Variants in HERC4 observed in about 807,000 individuals in gnomAD.
HERC4 encodes probable E3 ubiquitin-protein ligase HERC4.
HERC4 carries 28 observed loss-of-function variants against 124.3 expected under a neutral mutation model. The observed-to-expected ratio is 0.23, with a 90% confidence interval of 0.17 to 0.31. The LOEUF is 0.31. Among genes scored for constraint, HERC4 ranks in the 10% least tolerant of loss-of-function variants. The pLI, the probability that HERC4 is intolerant of heterozygous loss-of-function variation, is 1.00. For synonymous variants in HERC4, 407 were observed against 421.5 expected (o/e 0.97, Z 0.42); for missense variants, 713 against 1,229.3 (o/e 0.58, Z 6.28).
chr10:68,029,855 C>T (rs1014354555), intron 7 of HERC4, among the ~76,000 whole-genome samples: 12 of 151,262 alleles, frequency 7.9e-5, no homozygotes, highest in Admixed American at 7.9e-4. Flanking sequence ...TCTCCTGCCT[C>T]AGCCTCCCGA....
chr10:67,951,160 T>C (rs1018715260), intron 19 of HERC4, among the ~76,000 whole-genome samples: 2 of 152,118 alleles, frequency 1.3e-5, no homozygotes, highest in African/African-American at 4.8e-5. Flanking sequence ...TCTCAAAACA[T>C]TATCTCTTTA....
chr10:68,041,046 C>G (rs2039741255), intron 4 of HERC4, among the ~76,000 whole-genome samples: 1 of 152,094 alleles, frequency 6.6e-6, no homozygotes, highest in South Asian at 2.1e-4. Flanking sequence ...AATATGTATA[C>G]TGTTGTATTC....
At chr10:67,973,304 G>C (rs1019906187) in intron 15 of HERC4, among the ~76,000 whole-genome samples, 1 of 152,180 alleles carries the variant, frequency 6.6e-6, no homozygotes, top group Non-Finnish European at 1.5e-5. Flanking sequence ...CTGCTAAAGA[G>C]AATGAGCGGC....
intron 19 of HERC4, among the ~76,000 whole-genome samples, chr10:67,950,101 T>C (rs2132252643): frequency 6.6e-6 from 1 of 152,232 alleles, no homozygotes; most frequent in South Asian, 2.1e-4. Context: ...TCTTTTATGA[T>C]AAAAATGCTG....
chr10:67,957,513 G>C (rs2034218713), intron 16 of HERC4, among the ~76,000 whole-genome samples: 1 of 152,112 alleles, frequency 6.6e-6, no homozygotes, highest in Admixed American at 6.5e-5. Flanking sequence ...TACGAGAACT[G>C]ATCTATTATT....
chr10:67,945,435 G>A (rs575856590), intron 19 of HERC4, among the ~76,000 whole-genome samples: 29 of 152,260 alleles, frequency 1.9e-4, no homozygotes, highest in South Asian at 2.1e-4. Flanking sequence ...CATGAGACCT[G>A]TTCAAGAAGA....
At chr10:67,942,868 T>G (rs1283911000) in intron 19 of HERC4, among the ~76,000 whole-genome samples, 1 of 152,208 alleles carries the variant, frequency 6.6e-6, no homozygotes, top group Non-Finnish European at 1.5e-5. Context: ...CTTCACGTTT[T>G]CATCTGTATA....
Position 67,998,460 on chromosome 10 carries a change from T to C in HERC4, c.1070-5778A>G, listed in dbSNP as rs555479241. Among the ~76,000 whole-genome samples the C allele has an allele frequency of 1.1e-3, 167 of 150,150 alleles. 3 individuals carry two copies. Among genetic ancestry groups the C allele is most frequent in the Admixed American group, 1.9e-3 (29 of 15,026 alleles). Reference sequence around the variant, plus strand: ...TACTCAGGAGGCTGAGGCAGGAGAATTGCTTGAATCCAGGAGGCGGAGGCT... The same window carrying C: ...TACTCAGGAGGCTGAGGCAGGAGAACTGCTTGAATCCAGGAGGCGGAGGCT... On this transcript the variant is annotated intron_variant, in intron 9 of 24. Transcript: ENST00000373700.
At chr10:68,020,810 C>A (rs2038579133) in intron 8 of HERC4, among the ~76,000 whole-genome samples, 1 of 151,112 alleles carries the variant, frequency 6.6e-6, no homozygotes, top group Admixed American at 6.6e-5. Flanking sequence ...AGTACAATAC[C>A]TGAAATAAAA....
chr10:67,969,681 A>G (rs951589227), intron 15 of HERC4, among the ~76,000 whole-genome samples: 6 of 152,190 alleles, frequency 3.9e-5, no homozygotes, highest in African/African-American at 1.4e-4. Flanking sequence ...AGGAAAGGTG[A>G]CAAGAACAGT....
chr10:67,966,847 A>G (rs771191016), intron 15 of HERC4, 45 bp from the exon 16 acceptor site: 1 of 1,447,210 alleles, frequency 6.9e-7, no homozygotes, highest in Non-Finnish European at 9.2e-7. Context: ...CCAGTACTCA[A>G]GACAGACAAA....
chr10:68,060,122 T>C (rs939884882), intron 3 of HERC4, among the ~76,000 whole-genome samples: 8 of 150,820 alleles, frequency 5.3e-5, no homozygotes, highest in African/African-American at 1.7e-4. Flanking sequence ...TACAAGACTT[T>C]TGGATAATGA....
intron 3 of HERC4, among the ~76,000 whole-genome samples, chr10:68,056,191 T>C (rs1281540094): frequency 6.6e-6 from 1 of 152,212 alleles, no homozygotes; most frequent in Non-Finnish European, 1.5e-5. Context: ...TCAATTTCTT[T>C]CAAAGACAAG....
chr10:68,016,597 C>T (rs551337629), intron 8 of HERC4, among the ~76,000 whole-genome samples: 12 of 152,078 alleles, frequency 7.9e-5, no homozygotes, highest in Admixed American at 1.3e-4. Context: ...GTGATCTGCC[C>T]GCCCTGGCCT....
At chr10:68,040,718 G>A (rs933217829) in intron 4 of HERC4, among the ~76,000 whole-genome samples, 11 of 151,732 alleles carry the variant, frequency 7.2e-5, no homozygotes, top group Non-Finnish European at 1.3e-4. Flanking sequence ...GTGAAACCCC[G>A]TCTCTACTAA....
At chr10:68,039,355 CG>C (rs2039647032) in intron 4 of HERC4, 2 of 1,417,020 alleles carry the variant, frequency 1.4e-6, no homozygotes, top group Non-Finnish European at 1.9e-6. Context: ...AAAGAAAAAA[CG>C]GGGGATGGGG....
In HERC4 at chr10:67,955,142, A is replaced by G. The variant is rs376834364; in HGVS notation, c.2026-12T>C. On this transcript the variant is annotated splice_polypyrimidine_tract_variant and intron_variant, in intron 17 of 24. Transcript: ENST00000373700. ...TGATCAATAGCCATCTGGAAAACAA[A>G]AGATTAACATTTTAACAGCAATGCT... The G allele has an allele frequency of 1.3e-6, 2 of 1,570,484 alleles. No homozygotes were observed. Among genetic ancestry groups the G allele is most frequent in the African/African-American group, 2.8e-5 (2 of 71,142 alleles).
intron 15 of HERC4, among the ~76,000 whole-genome samples, chr10:67,984,500 G>C (rs1255806087): frequency 6.6e-6 from 1 of 152,006 alleles, no homozygotes; most frequent in Non-Finnish European, 1.5e-5. Flanking sequence ...AGCTGGGAAG[G>C]GTAGTGGGGA....
chr10:68,059,942 A>T (rs1383495801), intron 3 of HERC4, among the ~76,000 whole-genome samples: 1 of 126,650 alleles, frequency 7.9e-6, no homozygotes, highest in Non-Finnish European at 1.6e-5. Context: ...TATTATAATA[A>T]TATTATATTA....
Sources: gnomAD v4.1 joint callset for allele counts (sites outside exome capture counted in the v4.1 genomes callset) on GRCh38, gnomAD v4.1.1 for gene constraint, MANE v1.5 for transcripts, NCBI Gene and HGNC (gene_info 2026-07-23, HGNC 2026-07-21) for gene names.